Variants in TFDP2 observed in about 807,000 individuals in gnomAD.
The protein encoded by TFDP2 is transcription factor Dp-2, also known as transcription factor Dp-2 (E2F dimerization partner 2).
TFDP2 carries 17 observed loss-of-function variants against 59.3 expected under a neutral mutation model. The ratio of observed to expected loss-of-function variants is 0.29; its 90% CI spans 0.20 to 0.43. TFDP2 has a LOEUF of 0.43. Ranked by LOEUF, TFDP2 falls within the 20% of genes least tolerant of loss-of-function variation. The pLI is 1.00. For synonymous variants in TFDP2, 180 were observed against 194.7 expected, an observed-to-expected ratio of 0.92 and a Z score of 0.63; for missense variants, 391 against 528.8, an observed-to-expected ratio of 0.74 and a Z score of 2.56.
At chr3:142,004,392 T>C (rs1200241224) in intron 4 of TFDP2, among the ~76,000 whole-genome samples, 1 of 152,214 alleles carries the variant, frequency 6.6e-6, no homozygotes, top group Non-Finnish European at 1.5e-5. Flanking sequence ...TTGTACATTA[T>C]GGGTAAAATT....
intron 3 of TFDP2, among the ~76,000 whole-genome samples, chr3:142,067,133 C>G (rs2060098191): frequency 1.3e-5 from 2 of 152,104 alleles, no homozygotes; most frequent in African/African-American, 4.8e-5. Context: ...TTTTATCAAA[C>G]CTTGTGCTGA....
Position 142,149,377 on chromosome 3 carries a change from G to A in TFDP2, c.-287C>T. ...AGGCCCCAGAACGCCAACCGTGCGC[G>A]CGCCCTCGAGCCTGCCCAAAGATGA... On this transcript the variant is annotated 5_prime_UTR_variant, in exon 1 of 13. Transcript: ENST00000489671. 2.6e-6 allele frequency: 1 copy of A among 389,036 alleles called. No homozygotes were observed. Among genetic ancestry groups the A allele is most frequent in the Non-Finnish European group, 4.5e-6 (1 of 220,288 alleles). The allele number at this position is 389,036 out of a possible 1,614,324, so 24.1% of individuals were successfully genotyped here.
intron 8 of TFDP2, among the ~76,000 whole-genome samples, chr3:141,973,405 C>T (rs1345910446): frequency 6.6e-6 from 1 of 152,086 alleles, no homozygotes; most frequent in Non-Finnish European, 1.5e-5. Context: ...CCTCAGTTTA[C>T]TCCATTTATG....
chr3:142,131,772 G>A lies in TFDP2; in HGVS notation c.-93+17411C>T, dbSNP rs148915780. 1.8e-4 allele frequency among the ~76,000 whole-genome samples: 27 copies of A among 149,994 alleles called. 1 individual carries two copies. In the East Asian group the frequency reaches 2.7e-3, roughly 15 times the overall value. ...TGTAATCCCAGCATTTTGAGAGGCC[G>A]AGGCGGGCAGACCACCTGAGGTCAG... is the stretch of plus-strand genomic sequence containing the variant. On this transcript the variant is annotated intron_variant, in intron 1 of 12. Transcript: ENST00000489671.
At chr3:142,045,360 A>G (rs1201284458) in intron 3 of TFDP2, among the ~76,000 whole-genome samples, 2 of 152,044 alleles carry the variant, frequency 1.3e-5, no homozygotes, top group African/African-American at 2.4e-5. Flanking sequence ...GGATTTCGCC[A>G]TGTTGGCCAA....
chr3:142,074,467 C>A (rs1413122760), intron 3 of TFDP2, among the ~76,000 whole-genome samples: 2 of 152,090 alleles, frequency 1.3e-5, no homozygotes, highest in Non-Finnish European at 2.9e-5. Context: ...AATCCCAACA[C>A]TTTGGGAGAC....
Position 142,056,799 on chromosome 3 carries a change from G to A in TFDP2, c.82+36262C>T, listed in dbSNP as rs78106479. ...CTTGCCAATATCCATGTATGAATATGTGAGCCATCCTGGAAGGACATCTTC... is the reference window on the plus strand; with the variant it reads ...CTTGCCAATATCCATGTATGAATATATGAGCCATCCTGGAAGGACATCTTC... On this transcript the variant is annotated intron_variant, in intron 3 of 12. Transcript: ENST00000489671. Among the ~76,000 whole-genome samples the A allele has an allele frequency of 8.5e-3, 1,292 of 152,210 alleles. 6 individuals are homozygous for A. Among genetic ancestry groups the A allele is most frequent in the Non-Finnish European group, 0.013 (862 of 68,020 alleles).
Position 142,019,053 on chromosome 3 carries a change from ATTT to A in TFDP2, c.83-13512_83-13510del, listed in dbSNP as rs62999460. On this transcript the variant is annotated intron_variant, in intron 3 of 12. Transcript: ENST00000489671. ...TGCTTTTATATATTATTCTTCGCAC[ATTT>A]TTTTTTTTTTTTTTTTTGTTTTGGT... is the stretch of plus-strand genomic sequence containing the variant. Among the ~76,000 whole-genome samples the A allele has an allele frequency of 3.7e-3, 525 of 140,368 alleles. 4 individuals carry two copies. The highest frequency in any genetic ancestry group is 0.013 in the African/African-American group (483 of 38,358). 92.1% of individuals were successfully genotyped at this position (140,368 alleles called of 152,430 possible).
At chr3:141,961,081 A>G (rs908517967) in intron 10 of TFDP2, among the ~76,000 whole-genome samples, 3 of 152,180 alleles carry the variant, frequency 2.0e-5, no homozygotes, top group Admixed American at 1.3e-4. Context: ...AGATTTTCCC[A>G]TCATTCTTTT....
rs1274413558 is a variant in TFDP2 at position 142,042,988 on chromosome 3, C to T, written c.83-37444G>A. 1.9e-4 allele frequency among the ~76,000 whole-genome samples: 29 copies of T among 149,830 alleles called. No homozygotes were observed. In the East Asian group the frequency reaches 4.6e-3, roughly 24 times the overall value. On this transcript the variant is annotated intron_variant, in intron 3 of 12. Transcript: ENST00000489671. ...AACTCCCGACCTCAGGTGATCTGCC[C>T]GCCTCGGCCTCCCAAAGTGCTGGGA...
At chr3:141,965,468 A>G (rs111687413) in intron 9 of TFDP2, among the ~76,000 whole-genome samples, 11,236 of 148,152 alleles carry the variant, frequency 0.076, 531 homozygotes, top group Non-Finnish European at 0.11. Context: ...CTACATTCCA[A>G]CCTGGGCAAC....
intron 4 of TFDP2, among the ~76,000 whole-genome samples, chr3:141,996,938 AG>A (rs1206628083): frequency 1.3e-5 from 2 of 152,246 alleles, no homozygotes; most frequent in Admixed American, 6.5e-5. Flanking sequence ...CAATACACCA[AG>A]GGTATTAAAT....
rs74483813 is a variant in TFDP2 at position 142,086,275 on chromosome 3, C to T, written c.82+6786G>A. ...CAAAATGTGTGGGGATTTCTCCCTA[C>T]TAGCAAAAAATAAATTCTGACCCTA... is the stretch of plus-strand genomic sequence containing the variant. On this transcript the variant is annotated intron_variant, in intron 3 of 12. Coordinates refer to ENST00000489671, the MANE Select transcript of TFDP2 (RefSeq NM_001178139.2). Among the ~76,000 whole-genome samples the T allele has an allele frequency of 4.6e-3, 707 of 152,316 alleles. 7 individuals carry two copies. Among genetic ancestry groups the T allele is most frequent in the African/African-American group, 0.016 (669 of 41,566 alleles).
chr3:142,009,711 T>TC (rs1431894855), intron 3 of TFDP2, among the ~76,000 whole-genome samples: 9 of 120,556 alleles, frequency 7.5e-5, no homozygotes, highest in Non-Finnish European at 3.4e-5. Flanking sequence ...AGACTCTGTC[T>TC]CAAAAAAAAA....
chr3:142,085,566 T>G (rs1426421203), intron 3 of TFDP2, among the ~76,000 whole-genome samples: 2 of 152,202 alleles, frequency 1.3e-5, no homozygotes, highest in Non-Finnish European at 1.5e-5. Flanking sequence ...CTCATTTTTC[T>G]TTGTATTTTT....
chr3:142,128,354 A>C (rs2062353568), intron 1 of TFDP2, among the ~76,000 whole-genome samples: 1 of 152,160 alleles, frequency 6.6e-6, no homozygotes. Context: ...TGTACAGTGG[A>C]CCTCAGGCCT....
At chr3:141,963,534 A>G (rs1294868057) in intron 10 of TFDP2, among the ~76,000 whole-genome samples, 1 of 152,200 alleles carries the variant, frequency 6.6e-6, no homozygotes, top group Non-Finnish European at 1.5e-5. Context: ...GAGTTACCAC[A>G]TACATGCAGC....
chr3:141,954,158 C>A (rs1400145989), intron 11 of TFDP2, among the ~76,000 whole-genome samples: 2 of 151,330 alleles, frequency 1.3e-5, no homozygotes, highest in Admixed American at 1.3e-4. Flanking sequence ...GAAACTCCAT[C>A]TCAAAAAATA....
At chr3:141,991,244 T>C (rs772870884) in intron 6 of TFDP2, among the ~76,000 whole-genome samples, 2 of 152,224 alleles carry the variant, frequency 1.3e-5, no homozygotes, top group Non-Finnish European at 2.9e-5. Flanking sequence ...CAATAAATTT[T>C]TTTATGGTTT....
Sources: allele counts gnomAD v4.1 joint callset (sites outside exome capture counted in the v4.1 genomes callset), GRCh38; gene constraint gnomAD v4.1.1; transcripts MANE v1.5; gene names NCBI Gene and HGNC (gene_info 2026-07-23, HGNC 2026-07-21).